SENP5: variants seen among roughly 807,000 people sequenced by gnomAD.
SENP5 encodes the protein sentrin-specific protease 5.
Under a neutral mutation model 74.2 loss-of-function variants are expected in SENP5, and 21 were observed. The ratio of observed to expected loss-of-function variants is 0.28; its 90% CI spans 0.20 to 0.41. The LOEUF (loss-of-function observed/expected upper bound fraction) is 0.41, where lower values mean the gene tolerates loss of function less well. SENP5 is among the 10% of genes least tolerant of loss of function. The pLI is 1.00. For missense variants in SENP5, 717 were observed against 889.1 expected, an observed-to-expected ratio of 0.81 and a Z score of 2.46; for synonymous variants, 311 against 312.7, an observed-to-expected ratio of 0.99 and a Z score of 0.06.
intron 2 of SENP5, among the ~76,000 whole-genome samples, chr3:196,893,927 A>AT (rs1714323588): frequency 1.3e-5 from 2 of 149,208 alleles, no homozygotes. Context: ...AAAAAAAAAA[A>AT]TTTAGTGTGT....
chr3:196,925,921 C>T (rs1454077585), intron 7 of SENP5, among the ~76,000 whole-genome samples: 1 of 152,124 alleles, frequency 6.6e-6, no homozygotes, highest in Non-Finnish European at 1.5e-5. Flanking sequence ...AGTCATCTGG[C>T]CAGGTGGGGT....
rs140731879 is a variant in SENP5 at position 196,909,420 on chromosome 3, G to A, written c.1884+5810G>A. 5.1e-3 allele frequency among the ~76,000 whole-genome samples: 782 copies of A among 152,212 alleles called. 5 individuals are homozygous for A. Among genetic ancestry groups the A allele is most frequent in the Middle Eastern group, 0.017 (5 of 294 alleles). ...CCTCCCTAGCTCATTTTATGAGGCC[G>A]GCATCATCCTGATACCAAAACCTGG... On this transcript the variant is annotated intron_variant, in intron 6 of 9. Transcript: ENST00000323460.
chr3:196,916,505 A>G (rs1475092591), intron 6 of SENP5, among the ~76,000 whole-genome samples: 2 of 150,084 alleles, frequency 1.3e-5, no homozygotes, highest in African/African-American at 4.9e-5. Flanking sequence ...ATCCTGTCAG[A>G]GAAATTTAAG....
chr3:196,891,428 A>G (rs1172981538), intron 2 of SENP5, among the ~76,000 whole-genome samples: 1 of 152,136 alleles, frequency 6.6e-6, no homozygotes, highest in Non-Finnish European at 1.5e-5. Flanking sequence ...TAATGGGGCA[A>G]ATTTTGTGGT....
chr3:196,897,978 C>G (rs1406194447), intron 2 of SENP5, among the ~76,000 whole-genome samples: 2 of 151,534 alleles, frequency 1.3e-5, no homozygotes, highest in Non-Finnish European at 2.9e-5. Context: ...TCGAGACCAG[C>G]CTGGCCAACA....
chr3:196,875,169 G>A (rs1035435159), intron 1 of SENP5, among the ~76,000 whole-genome samples: 1 of 152,166 alleles, frequency 6.6e-6, no homozygotes, highest in Non-Finnish European at 1.5e-5. Context: ...TCGTATCAGT[G>A]ATACCACTAT....
In SENP5 at chr3:196,881,628, A is replaced by T. The variant is rs371261556; in HGVS notation, c.-31-3523A>T. Among the ~76,000 whole-genome samples the T allele has an allele frequency of 1.4e-4, 21 of 152,142 alleles. No homozygotes were observed. In the East Asian group the frequency reaches 3.9e-3, roughly 28 times the overall value. On this transcript the variant is annotated intron_variant, in intron 1 of 9. Coordinates refer to ENST00000323460, the MANE Select transcript of SENP5 (RefSeq NM_152699.5). ...TTAGGCTTTTTTTCAGTTATCTCTTAATTTAAGAGGTCTATATATTAGGGA... is the reference window on the plus strand; with the variant it reads ...TTAGGCTTTTTTTCAGTTATCTCTTTATTTAAGAGGTCTATATATTAGGGA...
intron 6 of SENP5, among the ~76,000 whole-genome samples, chr3:196,923,123 A>T (rs66746629): frequency 6.6e-6 from 1 of 152,146 alleles, no homozygotes; most frequent in Non-Finnish European, 1.5e-5. Context: ...TATGTATATG[A>T]GAAAATGAGG....
intron 9 of SENP5, 141 bp downstream of exon 9, chr3:196,929,824 G>A (rs1174605315): frequency 1.5e-6 from 1 of 658,498 alleles, no homozygotes; most frequent in African/African-American, 1.9e-5. Flanking sequence ...TTATTGCTGA[G>A]GAGCAGTAGT....
At chr3:196,913,384 A>G (rs1056390942) in intron 6 of SENP5, 1 of 152,056 alleles carries the variant, frequency 6.6e-6, no homozygotes, top group Non-Finnish European at 1.5e-5. Flanking sequence ...CCTGGCCAAG[A>G]TAGTGAAACC....
intron 6 of SENP5, among the ~76,000 whole-genome samples, chr3:196,908,067 G>T (rs1392322221): frequency 2.0e-5 from 3 of 152,078 alleles, no homozygotes; most frequent in Non-Finnish European, 4.4e-5. Context: ...GATTGCTTGA[G>T]CCCAAGAGTT....
intron 6 of SENP5, among the ~76,000 whole-genome samples, chr3:196,922,945 G>T (rs1715676893): frequency 6.6e-6 from 1 of 152,030 alleles, no homozygotes; most frequent in African/African-American, 2.4e-5. Context: ...TAGAGACAGA[G>T]TCTCATTATG....
rs375272520 is a variant in SENP5, at chr3:196,885,313, G to C, written c.132G>C (p.Leu44=). ...HQHLCILKAK[L]GRPVTWNRQL... is the part of the protein sequence containing the mutation. ...ACTTGTGCATTCTGAAAGCTAAGCT[G>C]GGAAGGCCAGTTACTTGGAATAGAC... Residue 44 remains leucine (L), a synonymous_variant, in exon 2 of 10, where the codon CTG becomes CTC. Transcript: ENST00000323460. The C allele has an allele frequency of 1.9e-6, 3 of 1,614,028 alleles. No individual in the cohort carries two copies. The highest frequency in any genetic ancestry group is 2.5e-6 in the Non-Finnish European group (3 of 1,180,028).
intron 1 of SENP5, among the ~76,000 whole-genome samples, chr3:196,868,713 T>A (rs1462323444): frequency 6.6e-6 from 1 of 152,182 alleles, no homozygotes; most frequent in East Asian, 1.9e-4. Flanking sequence ...TAGATAGACA[T>A]TTCGACCTTT....
In SENP5 at chr3:196,903,618, CTTTA is replaced by C. The variant is rs1714786556; in HGVS notation, c.1884+12_1884+15del. The C allele has an allele frequency of 4.5e-6, 7 of 1,539,556 alleles. No individual in the cohort carries two copies. Among genetic ancestry groups the C allele is most frequent in the Non-Finnish European group, 5.3e-6 (6 of 1,128,460 alleles). On this transcript the variant is annotated intron_variant, in intron 6 of 9. Transcript: ENST00000323460. ...AAAAGATGGACTAAAAAGGTATTCT[CTTTA>C]TTTCTTTTTTATTCCAAATTTGAAA...
intron 6 of SENP5, among the ~76,000 whole-genome samples, chr3:196,910,720 CTACTT>C (rs548661290): frequency 1.1e-4 from 17 of 152,202 alleles, no homozygotes; most frequent in Middle Eastern, 3.4e-3. Flanking sequence ...TTAGAAAAAA[CTACTT>C]TAAAATTCAT....
At chr3:196,904,465 G>T (rs1290594039) in intron 6 of SENP5, among the ~76,000 whole-genome samples, 4 of 152,186 alleles carry the variant, frequency 2.6e-5, no homozygotes, top group Admixed American at 2.0e-4. Context: ...CTGGTAAAGA[G>T]TTTGGATCAT....
intron 1 of SENP5, among the ~76,000 whole-genome samples, chr3:196,870,438 G>A (rs1199886934): frequency 6.6e-6 from 1 of 152,060 alleles, no homozygotes; most frequent in Non-Finnish European, 1.5e-5. Context: ...TAGTAGAGCC[G>A]GAAATGGACC....
chr3:196,923,563 T>C lies in SENP5; in HGVS notation c.2022+12T>C. 6.4e-7 allele frequency: 1 copy of C among 1,561,370 alleles called. No homozygotes were observed. The highest frequency in any genetic ancestry group is 1.2e-5 in the South Asian group (1 of 86,416). ...AGTTTTGTGTAGAGGTAAGTTAATA[T>C]ACTGCCTATTTTTTCATTTATTTTG... is the stretch of plus-strand genomic sequence containing the variant. On this transcript the variant is annotated intron_variant, in intron 7 of 9. Coordinates refer to ENST00000323460, the MANE Select transcript of SENP5 (RefSeq NM_152699.5).
Sources: allele counts gnomAD v4.1 joint callset (sites outside exome capture counted in the v4.1 genomes callset), GRCh38; gene constraint gnomAD v4.1.1; transcripts MANE v1.5; gene names NCBI Gene and HGNC (gene_info 2026-07-23, HGNC 2026-07-21).